Variants in TMEM232 observed in about 807,000 individuals in gnomAD.
TMEM232 encodes transmembrane protein 232.
TMEM232 carries 80 observed loss-of-function variants against 78.8 expected under a neutral mutation model. The observed-to-expected ratio is 1.01, with a 90% CI of 0.85 to 1.22. TMEM232 has a LOEUF of 1.22. Ranked by LOEUF, TMEM232 falls within the 50% of genes most tolerant of loss-of-function variation. The pLI is 0.00. For synonymous variants in TMEM232, 297 were observed against 254.3 expected (o/e 1.17, Z -1.60); for missense variants, 881 against 742.2 (o/e 1.19, Z -2.17).
At chr5:110,642,437 C>T in intron 2 of TMEM232, 66 bp from the exon 3 acceptor site, 1 of 1,129,044 alleles carries the variant, frequency 8.9e-7, no homozygotes, top group Non-Finnish European at 1.2e-6. Context: ...TTCAATTAAT[C>T]AACTTCCAGT....
chr5:110,704,622 C>T (rs1236709190), intron 1 of TMEM232, among the ~76,000 whole-genome samples: 1 of 151,938 alleles, frequency 6.6e-6, no homozygotes. Context: ...GGAAGTAGGG[C>T]AAACCTTTAT....
At chr5:110,489,758 T>A (rs1764830157) in intron 12 of TMEM232, among the ~76,000 whole-genome samples, 1 of 152,024 alleles carries the variant, frequency 6.6e-6, no homozygotes, top group African/African-American at 2.4e-5. Flanking sequence ...AATCCTAATA[T>A]GCACAGATAG....
intron 13 of TMEM232, among the ~76,000 whole-genome samples, chr5:110,423,441 T>G (rs1002801688): frequency 9.2e-5 from 14 of 152,138 alleles, no homozygotes; most frequent in Non-Finnish European, 5.9e-5. Flanking sequence ...ATAAGTGATA[T>G]ATACATGAAT....
At chr5:110,718,432 T>A (rs1409965230) in intron 1 of TMEM232, among the ~76,000 whole-genome samples, 1 of 152,066 alleles carries the variant, frequency 6.6e-6, no homozygotes, top group Admixed American at 6.6e-5. Context: ...TCTTTGTATG[T>A]GATGAGTGAG....
At chr5:110,680,301 G>C (rs111521919) in intron 1 of TMEM232, among the ~76,000 whole-genome samples, 1 of 150,642 alleles carries the variant, frequency 6.6e-6, no homozygotes, top group Non-Finnish European at 1.5e-5. Context: ...GGAGGCTGAG[G>C]CATGAGAATC....
chr5:110,733,256 T>G (rs1798845082), intron 2 of TMEM232, among the ~76,000 whole-genome samples: 1 of 152,164 alleles, frequency 6.6e-6, no homozygotes. Context: ...GAGTGTAAAT[T>G]AGTTCAACCA....
intron 2 of TMEM232, among the ~76,000 whole-genome samples, chr5:110,649,800 T>C (rs1417173257): frequency 6.6e-6 from 1 of 152,082 alleles, no homozygotes; most frequent in Non-Finnish European, 1.5e-5. Flanking sequence ...TATTAAGCTT[T>C]TTTGTCTTTT....
Position 110,455,439 on chromosome 5 carries a change from G to A in TMEM232, c.1704-30523C>T, listed in dbSNP as rs188685377. On this transcript the variant is annotated intron_variant, in intron 12 of 13. Coordinates refer to ENST00000455884, the MANE Select transcript of TMEM232 (RefSeq NM_001039763.4). ...GTTGCCCAGGCTGGAGTGCAGTGGC[G>A]CAATCTCGGCTCACTGCAAGCTCCA... Among the ~76,000 whole-genome samples, 674 of 151,270 alleles carry A rather than the reference G, an allele frequency of 4.5e-3. 18 individuals are homozygous for A. In the East Asian group the frequency reaches 0.048, roughly 11 times the overall value.
At chr5:110,631,296 G>C (rs766919550) in intron 5 of TMEM232, among the ~76,000 whole-genome samples, 2 of 152,178 alleles carry the variant, frequency 1.3e-5, no homozygotes, top group Non-Finnish European at 2.9e-5. Context: ...TCCTGTCTGA[G>C]GCTATGAGAA....
chr5:110,690,803 G>C (rs1423647565), intron 1 of TMEM232, among the ~76,000 whole-genome samples: 3 of 152,144 alleles, frequency 2.0e-5, no homozygotes, highest in African/African-American at 7.2e-5. Flanking sequence ...CATTAAAAAG[G>C]ATGAATTCAT....
intron 1 of TMEM232, among the ~76,000 whole-genome samples, chr5:110,715,885 A>G (rs559114198): frequency 2.6e-5 from 4 of 152,308 alleles, no homozygotes; most frequent in African/African-American, 9.6e-5. Flanking sequence ...ATTCATCTAC[A>G]TGATAAAACT....
At chr5:110,689,296 A>G (rs1793802112) in intron 1 of TMEM232, among the ~76,000 whole-genome samples, 1 of 152,206 alleles carries the variant, frequency 6.6e-6, no homozygotes, top group African/African-American at 2.4e-5. Flanking sequence ...AATTTAAAGA[A>G]AGTACAGAAA....
chr5:110,396,631 A>G (rs1755399295), intron 3 of TMEM232, among the ~76,000 whole-genome samples: 2 of 152,138 alleles, frequency 1.3e-5, no homozygotes, highest in South Asian at 4.1e-4. Flanking sequence ...AATCAGTGAT[A>G]TGTGATAAAT....
intron 3 of TMEM232, among the ~76,000 whole-genome samples, chr5:110,397,121 C>T (rs553722169): frequency 3.3e-5 from 5 of 152,214 alleles, no homozygotes; most frequent in African/African-American, 9.6e-5. Context: ...AACATTAAGA[C>T]GGTTCTACAA....
chr5:110,652,171 A>G (rs1476501879), intron 2 of TMEM232, among the ~76,000 whole-genome samples: 4 of 152,168 alleles, frequency 2.6e-5, no homozygotes, highest in Non-Finnish European at 5.9e-5. Context: ...ATCCCTAAGA[A>G]TGATTTATAG....
intron 8 of TMEM232, among the ~76,000 whole-genome samples, chr5:110,615,216 G>T (rs1185825230): frequency 6.6e-6 from 1 of 151,858 alleles, no homozygotes; most frequent in African/African-American, 2.4e-5. Flanking sequence ...TGTTCATAAA[G>T]AATGTTGCAG....
intron 12 of TMEM232, among the ~76,000 whole-genome samples, chr5:110,495,617 A>C (rs1196966508): frequency 6.6e-6 from 1 of 151,946 alleles, no homozygotes; most frequent in East Asian, 1.9e-4. Context: ...CTCTAGTCCA[A>C]AAAAACTAGA....
rs543597573 is a variant in TMEM232, at chr5:110,693,036, T to G, written c.-12-25672A>C. Among the ~76,000 whole-genome samples, 11 of 152,284 alleles carry G rather than the reference T, an allele frequency of 7.2e-5. No homozygotes were observed. In the East Asian group the frequency reaches 2.1e-3, roughly 29 times the overall value. ...GTGGGTCCCTGACCCCCGAGTAGCC[T>G]AACTGGGAAGCACCCCCCAGTAGGG... On this transcript the variant is annotated intron_variant, in intron 1 of 13. Transcript: ENST00000455884.
upstream of TMEM232, chr5:110,738,387 A>C: frequency 1.9e-6 from 1 of 533,256 alleles, no homozygotes; most frequent in Admixed American, 5.6e-5. Flanking sequence ...TAGTTTCTTT[A>C]CAGCCTTAGA....
Sources: allele counts gnomAD v4.1 joint callset (sites outside exome capture counted in the v4.1 genomes callset), GRCh38; gene constraint gnomAD v4.1.1; transcripts MANE v1.5; gene names NCBI Gene and HGNC (gene_info 2026-07-23, HGNC 2026-07-21).